Variants in SPATS1 observed in about 807,000 individuals in gnomAD.
SPATS1 encodes spermatogenesis-associated serine-rich protein 1.
A neutral mutation model predicts 33.6 loss-of-function variants in SPATS1; 23 were observed. That is an observed-to-expected ratio of 0.68 (90% CI 0.49 to 0.97). The LOEUF (loss-of-function observed/expected upper bound fraction) is 0.97, where lower values mean the gene tolerates loss of function less well. SPATS1 is among the 50% of genes least tolerant of loss of function. The pLI, the probability that SPATS1 is intolerant of heterozygous loss-of-function variation, is 0.00. For synonymous variants in SPATS1, 131 were observed against 125.6 expected (o/e 1.04, Z -0.29); for missense variants, 327 against 361.0 (o/e 0.91, Z 0.76).
chr6:44,371,121 C>A (rs555304051), intron 7 of SPATS1, among the ~76,000 whole-genome samples: 7 of 151,420 alleles, frequency 4.6e-5, no homozygotes, highest in Admixed American at 4.6e-4. Flanking sequence ...TAGTGAGACC[C>A]TATCTCTACA....
intron 7 of SPATS1, among the ~76,000 whole-genome samples, chr6:44,375,071 C>G (rs1397083655): frequency 6.6e-6 from 1 of 152,228 alleles, no homozygotes; most frequent in Admixed American, 6.5e-5. Flanking sequence ...TTCCTACTAC[C>G]TATTGGACCA....
chr6:44,348,278 G>T (rs888637188), intron 2 of SPATS1, among the ~76,000 whole-genome samples: 1 of 151,914 alleles, frequency 6.6e-6, no homozygotes, highest in Non-Finnish European at 1.5e-5. Flanking sequence ...CAAAGTGCTG[G>T]GATTACAGTC....
intron 2 of SPATS1, among the ~76,000 whole-genome samples, chr6:44,347,048 A>G (rs1787935154): frequency 6.6e-6 from 1 of 152,260 alleles, no homozygotes; most frequent in African/African-American, 2.4e-5. Context: ...GCAGCCATAA[A>G]AAAGGATGAG....
In SPATS1 at chr6:44,347,896, A is replaced by G. The variant is rs34928120; in HGVS notation, c.139+4662A>G. Among the ~76,000 whole-genome samples the G allele has an allele frequency of 2.1e-3, 319 of 152,304 alleles. 1 individual carries two copies. The highest frequency in any genetic ancestry group is 3.7e-3 in the Non-Finnish European group (249 of 68,028). The stretch of plus-strand genomic sequence containing the variant: ...ATTTTATAAATTATACTCCATGGCT[A>G]TGTAACCCTGAACAAGTTATTTGAC... On this transcript the variant is annotated intron_variant, in intron 2 of 8. Coordinates refer to ENST00000674044, the MANE Select transcript of SPATS1 (RefSeq NM_001372081.1).
At chr6:44,346,113 T>G (rs962628776) in intron 2 of SPATS1, among the ~76,000 whole-genome samples, 2 of 151,902 alleles carry the variant, frequency 1.3e-5, no homozygotes, top group Non-Finnish European at 2.9e-5. Flanking sequence ...AGACCCCATC[T>G]CTACAAAAAA....
chr6:44,377,789 T>TC lies in SPATS1; in HGVS notation c.*728dup, dbSNP rs1268472932. Reference sequence around the variant, plus strand: ...TCATATGATAGAAAGGGTGAGCTAGTCCTCTGGGGTCTCTTTTACAAGGGC... The same window carrying TC: ...TCATATGATAGAAAGGGTGAGCTAGTCCCTCTGGGGTCTCTTTTACAAGGGC... On this transcript the variant is annotated 3_prime_UTR_variant, in exon 9 of 9. Coordinates refer to ENST00000674044, the MANE Select transcript of SPATS1 (RefSeq NM_001372081.1). 6.6e-6 allele frequency: 1 copy of TC among 152,346 alleles called. No individual in the cohort carries two copies. Among genetic ancestry groups the TC allele is most frequent in the African/African-American group, 2.4e-5 (1 of 41,428 alleles). The allele number at this position is 152,346 out of a possible 1,614,324, so 9.4% of individuals were successfully genotyped here. A position where few individuals can be genotyped will look rare whatever the true frequency, so the allele number is the denominator to read the frequency against.
At chr6:44,351,338 T>C (rs1037886099) in intron 2 of SPATS1, among the ~76,000 whole-genome samples, 2 of 152,134 alleles carry the variant, frequency 1.3e-5, no homozygotes, top group Non-Finnish European at 2.9e-5. Context: ...TTGAGCATCT[T>C]TGGATTTTTG....
chr6:44,343,475 A>C (rs966068570), intron 2 of SPATS1: 3 of 610,722 alleles, frequency 4.9e-6, no homozygotes, highest in Non-Finnish European at 9.1e-6. Context: ...ACAGCAGTGG[A>C]GAAGTATATT....
At position 44,343,286 on chromosome 6, in the gene SPATS1, A is replaced by G. The variant is rs146712652; in HGVS notation, c.139+52A>G. 1,457 of 1,482,904 alleles carry G rather than the reference A, an allele frequency of 9.8e-4. 10 individuals are homozygous for G. The African/African-American group carries it at 0.017, about 17-fold the overall frequency. The allele number at this position is 1,482,904 out of a possible 1,614,324, so 91.9% of individuals were successfully genotyped here. The stretch of plus-strand genomic sequence containing the variant: ...GGAGTTGGTGGCCACATCCAAGTAT[A>G]CTACACCCGGGGGCGGGGGCAGGTG... On this transcript the variant is annotated intron_variant, in intron 2 of 8. Coordinates refer to ENST00000674044, the MANE Select transcript of SPATS1 (RefSeq NM_001372081.1).
At chr6:44,343,269 T>C in intron 2 of SPATS1, 35 bp downstream of exon 2, 1 of 1,567,692 alleles carries the variant, frequency 6.4e-7, no homozygotes, top group Non-Finnish European at 8.7e-7. Flanking sequence ...GTGGAGTTGG[T>C]GGCCACATCC....
At chr6:44,368,891 G>A (rs73439583) in intron 6 of SPATS1, among the ~76,000 whole-genome samples, 8,165 of 137,992 alleles carry the variant, frequency 0.059, 501 homozygotes, top group African/African-American at 0.16. Context: ...AATAGTTGGT[G>A]TATTACATTT....
chr6:44,368,101 C>T (rs1226486406), intron 5 of SPATS1, among the ~76,000 whole-genome samples: 2 of 152,174 alleles, frequency 1.3e-5, no homozygotes, highest in Admixed American at 1.3e-4. Context: ...GCAAAGAAAC[C>T]TCTGATTCAC....
chr6:44,342,838 A>T, intron 1 of SPATS1, 70 bp downstream of exon 1: 2 of 1,171,228 alleles, frequency 1.7e-6, no homozygotes, highest in Non-Finnish European at 2.4e-6. Flanking sequence ...CCCGAGGTGG[A>T]AAAGAAGGAG....
At chr6:44,343,883 A>G (rs554468219) in intron 2 of SPATS1, among the ~76,000 whole-genome samples, 1 of 152,270 alleles carries the variant, frequency 6.6e-6, no homozygotes, top group South Asian at 2.1e-4. Context: ...TGCTGCAAAA[A>G]GGGGTTGTGA....
At chr6:44,349,688 C>T (rs7772720) in intron 2 of SPATS1, among the ~76,000 whole-genome samples, 112,966 of 152,078 alleles carry the variant, frequency 0.74, 42,239 homozygotes, top group Admixed American at 0.79. Flanking sequence ...CATATGCATT[C>T]AAGGCCCCAG....
chr6:44,342,858 C>A, intron 1 of SPATS1, 90 bp downstream of exon 1: 2 of 1,276,598 alleles, frequency 1.6e-6, no homozygotes, highest in African/African-American at 1.5e-5. Context: ...GCACCTTGAG[C>A]TGGATGGGGG....
At chr6:44,370,549 T>C (rs1043578231) in intron 7 of SPATS1, among the ~76,000 whole-genome samples, 1 of 152,238 alleles carries the variant, frequency 6.6e-6, no homozygotes, top group African/African-American at 2.4e-5. Context: ...TTTAATTTCA[T>C]ACTTTTGCTT....
chr6:44,377,194 T>C lies in SPATS1; in HGVS notation c.*131T>C. On this transcript the variant is annotated 3_prime_UTR_variant, in exon 9 of 9. Coordinates refer to ENST00000674044, the MANE Select transcript of SPATS1 (RefSeq NM_001372081.1). ...GAGGAAGTGTTGTGCTTTGCTTTTTTAAAACTTTATATTTTGAAAACTTTC... is the reference window on the plus strand; with the variant it reads ...GAGGAAGTGTTGTGCTTTGCTTTTTCAAAACTTTATATTTTGAAAACTTTC... 5.3e-6 allele frequency: 6 copies of C among 1,137,492 alleles called. No individual in the cohort carries two copies. The highest frequency in any genetic ancestry group is 7.7e-6 in the Non-Finnish European group (6 of 782,670). 70.5% of individuals were successfully genotyped at this position (1,137,492 alleles called of 1,614,324 possible). A position where few individuals can be genotyped will look rare whatever the true frequency, so the allele number is the denominator to read the frequency against.
chr6:44,343,448 T>G (rs953298441), intron 2 of SPATS1: 5 of 657,564 alleles, frequency 7.6e-6, no homozygotes, highest in Non-Finnish European at 1.4e-5. Flanking sequence ...GTCTCATAAA[T>G]TACCTCACTG....
Sources: gnomAD v4.1 joint callset for allele counts (sites outside exome capture counted in the v4.1 genomes callset) on GRCh38, gnomAD v4.1.1 for gene constraint, MANE v1.5 for transcripts, NCBI Gene and HGNC (gene_info 2026-07-23, HGNC 2026-07-21) for gene names.